SORCS2: variants seen among roughly 807,000 people sequenced by gnomAD.
SORCS2 encodes the protein sortilin related VPS10 domain containing receptor 2.
A neutral mutation model predicts 141.6 loss-of-function variants in SORCS2; 100 were observed. The ratio of observed to expected loss-of-function variants is 0.71; its 90% confidence interval spans 0.60 to 0.83. SORCS2 has a LOEUF of 0.83. SORCS2 is among the 40% of genes least tolerant of loss of function. SORCS2 has a pLI of 0.00. For synonymous variants in SORCS2, 789 were observed against 676.9 expected (o/e 1.17, Z -2.57); for missense variants, 1,646 against 1,560.2 (o/e 1.05, Z -0.93).
At chr4:7,478,350 T>G (rs4546243) in intron 2 of SORCS2, among the ~76,000 whole-genome samples, 140,010 of 152,080 alleles carry the variant, frequency 0.92, 64,476 homozygotes, top group South Asian at 0.98. Flanking sequence ...CTCCAGGGCT[T>G]TGTTGAAATG....
intron 1 of SORCS2, among the ~76,000 whole-genome samples, chr4:7,236,521 C>T (rs937542815): frequency 6.6e-6 from 1 of 152,182 alleles, no homozygotes; most frequent in Non-Finnish European, 1.5e-5. Flanking sequence ...TATTCTCTGC[C>T]GCTGTGCTGT....
chr4:7,611,618 A>G (rs558994408), intron 3 of SORCS2, among the ~76,000 whole-genome samples: 4 of 152,310 alleles, frequency 2.6e-5, no homozygotes, highest in African/African-American at 7.2e-5. Context: ...CCACTGCCCA[A>G]TATGTCAGGA....
chr4:7,326,129 GGA>G (rs1393125211), intron 1 of SORCS2, among the ~76,000 whole-genome samples: 14 of 152,206 alleles, frequency 9.2e-5, no homozygotes, highest in African/African-American at 2.9e-4. Context: ...CTGTGTTCTG[GGA>G]GCTTCTGGAT....
At chr4:7,333,508 C>T (rs143629742) in intron 1 of SORCS2, among the ~76,000 whole-genome samples, 4,987 of 152,246 alleles carry the variant, frequency 0.033, 116 homozygotes, top group Middle Eastern at 0.048. Flanking sequence ...GGGGCTCACT[C>T]GGGGGACTTT....
chr4:7,629,442 C>T (rs1719733499), intron 3 of SORCS2, among the ~76,000 whole-genome samples: 1 of 151,852 alleles, frequency 6.6e-6, no homozygotes, highest in East Asian at 1.9e-4. Context: ...GCAGGGCAGG[C>T]CCAGCTGAGA....
chr4:7,559,392 G>A (rs1012097508), intron 3 of SORCS2, among the ~76,000 whole-genome samples: 1 of 152,202 alleles, frequency 6.6e-6, no homozygotes, highest in African/African-American at 2.4e-5. Flanking sequence ...GGCACACAGA[G>A]GTCAGGGCGC....
intron 3 of SORCS2, among the ~76,000 whole-genome samples, chr4:7,590,414 C>G (rs966292286): frequency 6.6e-6 from 1 of 152,138 alleles, no homozygotes; most frequent in Non-Finnish European, 1.5e-5. Flanking sequence ...GTGAAGGTGG[C>G]CTGGCTTCTC....
intron 2 of SORCS2, among the ~76,000 whole-genome samples, chr4:7,527,033 G>C (rs1252206171): frequency 6.6e-6 from 1 of 152,196 alleles, no homozygotes; most frequent in Non-Finnish European, 1.5e-5. Context: ...TATTTCTAGT[G>C]CTAGGCGGCC....
At chr4:7,702,978 C>A (rs1725176486) in intron 12 of SORCS2, among the ~76,000 whole-genome samples, 1 of 152,228 alleles carries the variant, frequency 6.6e-6, no homozygotes, top group Non-Finnish European at 1.5e-5. Context: ...TGCTGGCACT[C>A]TTTGTGCCTG....
In SORCS2 at chr4:7,233,579, G is replaced by A. The variant is rs1022994879; in HGVS notation, c.480+40453G>A. 3.3e-5 allele frequency among the ~76,000 whole-genome samples: 5 copies of A among 152,174 alleles called. No individual in the cohort carries two copies. Among genetic ancestry groups the A allele is most frequent in the African/African-American group, 9.7e-5 (4 of 41,444 alleles). On this transcript the variant is annotated intron_variant, in intron 1 of 26. Transcript: ENST00000507866. This position sits in a 1 kb window ranked among gnomAD's most constrained non-coding sequence, Gnocchi z 4.5. Reference sequence around the variant, plus strand: ...GGGTGGACGGGGTGGGTGCTGGGACGAGGACTCAGGAATGAGGCTGGCGGT... The same window carrying A: ...GGGTGGACGGGGTGGGTGCTGGGACAAGGACTCAGGAATGAGGCTGGCGGT...
intron 1 of SORCS2, among the ~76,000 whole-genome samples, chr4:7,346,844 C>T (rs1577427458): frequency 6.6e-6 from 1 of 152,188 alleles, no homozygotes; most frequent in Admixed American, 6.5e-5. Flanking sequence ...ACCATGAGTT[C>T]CCAGGGTGTC....
At chr4:7,730,176 AG>A (rs1326853132) in intron 23 of SORCS2, among the ~76,000 whole-genome samples, 1 of 152,204 alleles carries the variant, frequency 6.6e-6, no homozygotes, top group Non-Finnish European at 1.5e-5. Context: ...AGGGGATAAA[AG>A]ACCTGCCATG....
chr4:7,725,440 G>C (rs1044398113), intron 20 of SORCS2, among the ~76,000 whole-genome samples, 153 bp downstream of exon 20: 13 of 152,204 alleles, frequency 8.5e-5, no homozygotes, highest in Non-Finnish European at 1.8e-4. Flanking sequence ...GTTGAGAGGG[G>C]CACACCCTCC....
intron 18 of SORCS2, among the ~76,000 whole-genome samples, chr4:7,719,725 C>G (rs1331182686): frequency 1.3e-5 from 2 of 152,152 alleles, no homozygotes; most frequent in African/African-American, 4.8e-5. Context: ...CCGGGGCCGA[C>G]TTCCAGGAAA....
intron 3 of SORCS2, among the ~76,000 whole-genome samples, chr4:7,532,485 G>C (rs944668827): frequency 6.6e-6 from 1 of 152,250 alleles, no homozygotes; most frequent in Non-Finnish European, 1.5e-5. Flanking sequence ...TGGTGACTTT[G>C]AAGGAGAAAT....
chr4:7,250,898 C>T (rs973741178), intron 1 of SORCS2, among the ~76,000 whole-genome samples: 15 of 152,234 alleles, frequency 9.9e-5, no homozygotes, highest in African/African-American at 2.2e-4. Flanking sequence ...GGAACCGCCA[C>T]GACACCAGGG....
intron 26 of SORCS2, among the ~76,000 whole-genome samples, chr4:7,738,320 C>T (rs528702833): frequency 9.9e-4 from 151 of 152,384 alleles, no homozygotes; most frequent in African/African-American, 3.4e-3. Context: ...GGGCACTTTC[C>T]ATGCCTGTCT....
At chr4:7,199,249 G>A (rs1727351546) in intron 1 of SORCS2, among the ~76,000 whole-genome samples, 1 of 152,214 alleles carries the variant, frequency 6.6e-6, no homozygotes, top group Non-Finnish European at 1.5e-5. Flanking sequence ...TCCAAAGCGG[G>A]GTGGGGGCAG....
intron 1 of SORCS2, among the ~76,000 whole-genome samples, chr4:7,375,560 A>G (rs12502663): frequency 0.68 from 103,625 of 151,372 alleles, 35,762 homozygotes; most frequent in East Asian, 0.94. Flanking sequence ...GTGTGCATGG[A>G]TGAGATGCCA....
Sources: allele counts gnomAD v4.1 joint callset (sites outside exome capture counted in the v4.1 genomes callset), GRCh38; gene constraint gnomAD v4.1.1; non-coding constraint Gnocchi (gnomAD v3.1); transcripts MANE v1.5; gene names NCBI Gene and HGNC (gene_info 2026-07-23, HGNC 2026-07-21).